AKR1C8: variants seen among roughly 807,000 people sequenced by gnomAD.
AKR1C8 encodes the protein aldo-keto reductase family 1 member C-like protein 1.
chr10:5,126,982 T>C, the AKR1C8 span, among the ~76,000 whole-genome samples: 1 of 152,034 alleles, frequency 6.6e-6, no homozygotes, highest in Non-Finnish European at 1.5e-5. Context: ...GAAGAAGTAG[T>C]CTATCAAAAT....
the AKR1C8 span, among the ~76,000 whole-genome samples, chr10:5,165,159 C>T: frequency 6.6e-6 from 1 of 152,096 alleles, no homozygotes; most frequent in Non-Finnish European, 1.5e-5. Context: ...GTTATTTCAC[C>T]ACGAGTGAAT....
At chr10:5,178,163 G>A in the AKR1C8 span, among the ~76,000 whole-genome samples, 2 of 152,162 alleles carry the variant, frequency 1.3e-5, no homozygotes, top group South Asian at 2.1e-4. Flanking sequence ...GTGTCCCAGA[G>A]ATTCTGGTAT....
At chr10:5,159,640 C>A in the AKR1C8 span, among the ~76,000 whole-genome samples, 2,336 of 152,220 alleles carry the variant, frequency 0.015, 27 homozygotes, top group Non-Finnish European at 0.026. Flanking sequence ...AGCTCCAGAC[C>A]AAAGCTGCCA....
the AKR1C8 span, among the ~76,000 whole-genome samples, chr10:5,115,833 T>A: frequency 4.1e-4 from 63 of 152,234 alleles, 2 homozygotes; most frequent in East Asian, 0.012. Context: ...TTAGTACAAG[T>A]ATATACATGC....
At chr10:5,135,490 G>C in the AKR1C8 span, among the ~76,000 whole-genome samples, 11 of 151,776 alleles carry the variant, frequency 7.2e-5, no homozygotes, top group Non-Finnish European at 1.5e-4. Context: ...TCTTACTAAA[G>C]TAAAATTTTC....
chr10:5,140,976 T>C, the AKR1C8 span, among the ~76,000 whole-genome samples: 1 of 152,168 alleles, frequency 6.6e-6, no homozygotes, highest in African/African-American at 2.4e-5. Context: ...TTGATAGACT[T>C]CTTTCATGAA....
chr10:5,151,562 T>TG, the AKR1C8 span, among the ~76,000 whole-genome samples: 1 of 150,496 alleles, frequency 6.6e-6, no homozygotes, highest in Non-Finnish European at 1.5e-5. Flanking sequence ...TTTGGGTTTT[T>TG]TTTTTTTTTT....
chr10:5,156,177 C>A, the AKR1C8 span, among the ~76,000 whole-genome samples: 42,760 of 152,020 alleles, frequency 0.28, 6,825 homozygotes, highest in Non-Finnish European at 0.36. Flanking sequence ...ATGACAGAGC[C>A]TTAGAACACA....
the AKR1C8 span, among the ~76,000 whole-genome samples, chr10:5,142,805 G>T: frequency 6.6e-6 from 1 of 152,002 alleles, no homozygotes; most frequent in African/African-American, 2.4e-5. Context: ...TTGAAATATT[G>T]CAAAAATTAC....
At chr10:5,175,075 G>A in the AKR1C8 span, among the ~76,000 whole-genome samples, 17 of 151,278 alleles carry the variant, frequency 1.1e-4, no homozygotes, top group South Asian at 2.1e-4. Context: ...CCATTAACTC[G>A]TCATTTAGCA....
chr10:5,138,713 C>T, the AKR1C8 span, among the ~76,000 whole-genome samples: 20 of 152,270 alleles, frequency 1.3e-4, no homozygotes, highest in Admixed American at 1.3e-3. Flanking sequence ...TCTGCCACAG[C>T]TCCAGTCGGT....
At chr10:5,168,524 C>T in the AKR1C8 span, among the ~76,000 whole-genome samples, 9 of 152,078 alleles carry the variant, frequency 5.9e-5, no homozygotes, top group African/African-American at 1.7e-4. Context: ...TAGAGGGAGA[C>T]CTGGGCAAGT....
the AKR1C8 span, among the ~76,000 whole-genome samples, chr10:5,143,892 CA>C: frequency 6.6e-6 from 1 of 151,722 alleles, no homozygotes; most frequent in African/African-American, 2.4e-5. Flanking sequence ...CTAATCTAAC[CA>C]AACTTGAGAA....
At chr10:5,151,546 C>A in the AKR1C8 span, among the ~76,000 whole-genome samples, 1 of 141,616 alleles carries the variant, frequency 7.1e-6, no homozygotes, top group South Asian at 2.1e-4. Flanking sequence ...GGTTTCAATT[C>A]TTCCCTTTGG....
At chr10:5,121,148 C>T in the AKR1C8 span, among the ~76,000 whole-genome samples, 1 of 152,040 alleles carries the variant, frequency 6.6e-6, no homozygotes, top group Non-Finnish European at 1.5e-5. Context: ...CATTTTTTCC[C>T]TATTTCTACA....
chr10:5,163,908 G>A, the AKR1C8 span, among the ~76,000 whole-genome samples: 3 of 152,074 alleles, frequency 2.0e-5, no homozygotes, highest in African/African-American at 7.3e-5. Context: ...ACACTAATAA[G>A]AGAACAAGAC....
the AKR1C8 span, among the ~76,000 whole-genome samples, chr10:5,127,785 G>A: frequency 1.4e-5 from 2 of 145,536 alleles, no homozygotes; most frequent in Admixed American, 6.9e-5. Flanking sequence ...ATGAGATTAT[G>A]TAAAACAGCC....
the AKR1C8 span, among the ~76,000 whole-genome samples, chr10:5,144,818 A>G: frequency 6.6e-6 from 1 of 152,194 alleles, no homozygotes; most frequent in Non-Finnish European, 1.5e-5. Context: ...GTCTGCAAAC[A>G]GGGACAATTT....
the AKR1C8 span, among the ~76,000 whole-genome samples, chr10:5,174,614 G>A: frequency 2.6e-5 from 4 of 151,926 alleles, no homozygotes; most frequent in African/African-American, 9.7e-5. Flanking sequence ...CAGACTTTAT[G>A]CCTAACATAT....
Sources: gnomAD v4.1 joint callset for allele counts (sites outside exome capture counted in the v4.1 genomes callset) on GRCh38, gnomAD v4.1.1 for gene constraint, MANE v1.5 for transcripts, NCBI Gene and HGNC (gene_info 2026-07-23, HGNC 2026-07-21) for gene names.